FBXO25: variants seen among roughly 807,000 people sequenced by gnomAD.
FBXO25 encodes F-box protein 25.
A neutral mutation model predicts 51.9 loss-of-function variants in FBXO25; 45 were observed. The observed-to-expected ratio is 0.87, with a 90% CI of 0.68 to 1.11. FBXO25 has a LOEUF of 1.11. Among genes scored for constraint, FBXO25 ranks in the 50% most tolerant of loss-of-function variants. FBXO25 has a pLI of 0.00. For missense variants in FBXO25, 507 were observed against 428.5 expected (o/e 1.18, Z -1.62); for synonymous variants, 199 against 151.0 (o/e 1.32, Z -2.33).
intron 5 of FBXO25, among the ~76,000 whole-genome samples, chr8:445,775 G>A (rs140873736): frequency 2.0e-5 from 3 of 152,200 alleles, no homozygotes; most frequent in African/African-American, 7.2e-5. Flanking sequence ...GGAAGCTGAG[G>A]CTAGAGAATC....
At chr8:413,330 G>A in intron 2 of FBXO25, 117 bp downstream of exon 2, 1 of 1,351,376 alleles carries the variant, frequency 7.4e-7, no homozygotes, top group Non-Finnish European at 9.6e-7. Context: ...CCAGAAGGCT[G>A]GTGTGAAGAG....
chr8:449,050 C>G (rs917185912), intron 5 of FBXO25, among the ~76,000 whole-genome samples: 2 of 151,930 alleles, frequency 1.3e-5, no homozygotes, highest in African/African-American at 4.8e-5. Flanking sequence ...CATGTAAACA[C>G]ATAACTTTAT....
intron 7 of FBXO25, among the ~76,000 whole-genome samples, chr8:456,670 T>C (rs1372271464): frequency 2.0e-5 from 3 of 152,086 alleles, no homozygotes; most frequent in African/African-American, 7.2e-5. Flanking sequence ...ATGTCCAGAA[T>C]GTTAGAGCAC....
Position 464,879 on chromosome 8 carries a change from G to T in FBXO25, c.987+1729G>T, listed in dbSNP as rs963845786. Among the ~76,000 whole-genome samples, 8 of 152,310 alleles carry T rather than the reference G, an allele frequency of 5.3e-5. No individual in the cohort carries two copies. In the East Asian group the frequency reaches 1.5e-3, roughly 29 times the overall value. The stretch of plus-strand genomic sequence containing the variant: ...TCCTGAAATTAAAAAGATGCAAGTT[G>T]TGTTATGTGTTTTTGCAGTAGTACA... On this transcript the variant is annotated intron_variant, in intron 9 of 9. Transcript: ENST00000350302.
rs1052142500 is a variant in FBXO25 at position 472,651 on chromosome 8, A to C, written c.*3847A>C. The C allele has an allele frequency of 1.4e-4, 22 of 152,342 alleles. No homozygotes were observed. Among genetic ancestry groups the C allele is most frequent in the African/African-American group, 4.6e-4 (19 of 41,586 alleles). 9.4% of individuals were successfully genotyped at this position (152,342 alleles called of 1,614,324 possible). A position where few individuals can be genotyped will look rare whatever the true frequency, so the allele number is the denominator to read the frequency against. On this transcript the variant is annotated 3_prime_UTR_variant, in exon 10 of 10. Coordinates refer to ENST00000350302, the MANE Select transcript of FBXO25 (RefSeq NM_183420.2). ...TTGTTAATTCTTCTTTAAATGTTTG[A>C]GAGAACTCCATATAAGATTTGAAGT...
chr8:451,821 A>G (rs745875537), intron 7 of FBXO25, among the ~76,000 whole-genome samples: 7 of 152,184 alleles, frequency 4.6e-5, no homozygotes, highest in Non-Finnish European at 8.8e-5. Context: ...CCAAGTTAGT[A>G]ACTTTTTGTC....
chr8:457,952 C>T (rs1374312867), intron 7 of FBXO25, among the ~76,000 whole-genome samples: 1 of 152,244 alleles, frequency 6.6e-6, no homozygotes, highest in Non-Finnish European at 1.5e-5. Flanking sequence ...TGGTGTGGCA[C>T]AGGCCCTGCC....
intron 7 of FBXO25, 118 bp from the exon 8 acceptor site, chr8:458,251 G>C: frequency 8.5e-7 from 1 of 1,176,298 alleles, no homozygotes; most frequent in Non-Finnish European, 1.2e-6. Flanking sequence ...GCATGACATG[G>C]AGAGCTCTTT....
chr8:476,754 T>G lies in FBXO25; in HGVS notation c.*7950T>G, dbSNP rs1466940288. ...CTCTTAGCTATCAACAAACTCTTGG[T>G]TTCATTTATTTTTCTCTATTGCTTT... On this transcript the variant is annotated 3_prime_UTR_variant, in exon 10 of 10. Transcript: ENST00000350302. 1.3e-5 allele frequency: 2 copies of G among 152,250 alleles called. No homozygotes were observed. The highest frequency in any genetic ancestry group is 2.9e-5 in the Non-Finnish European group (2 of 68,014). 9.4% of individuals were successfully genotyped at this position (152,250 alleles called of 1,614,324 possible).
At chr8:441,038 C>T (rs1585054535) in intron 5 of FBXO25, among the ~76,000 whole-genome samples, 1 of 147,966 alleles carries the variant, frequency 6.8e-6, no homozygotes, top group Non-Finnish European at 1.5e-5. Flanking sequence ...AACAGTGCTG[C>T]AATAAACATA....
chr8:469,019 C>T lies in FBXO25; in HGVS notation c.*215C>T. 1 of 540,120 alleles carries T rather than the reference C, an allele frequency of 1.9e-6. No individual in the cohort carries two copies. The highest frequency in any genetic ancestry group is 3.2e-5 in the East Asian group (1 of 31,648). 33.5% of individuals were successfully genotyped at this position (540,120 alleles called of 1,614,324 possible). A position where few individuals can be genotyped will look rare whatever the true frequency, so the allele number is the denominator to read the frequency against. On this transcript the variant is annotated 3_prime_UTR_variant, in exon 10 of 10. Transcript: ENST00000350302. ...GAAATCATTTCTACTTCTTTAAAAA[C>T]TCCTTCTAAGCATATTAAAATGTGA... is the stretch of plus-strand genomic sequence containing the variant.
In FBXO25 at chr8:436,203, T is replaced by G. The variant is rs1798093303; in HGVS notation, c.381+496T>G. Among the ~76,000 whole-genome samples, 4 of 152,306 alleles carry G rather than the reference T, an allele frequency of 2.6e-5. No homozygotes were observed. In the South Asian group the frequency reaches 8.3e-4, roughly 32 times the overall value. On this transcript the variant is annotated intron_variant, in intron 5 of 9. Coordinates refer to ENST00000350302, the MANE Select transcript of FBXO25 (RefSeq NM_183420.2). ...TAATGATACCCTTTTGGAAGAAATT[T>G]TTATCTTGGGCCACACTCAAAAAGA...
rs984968741 is a variant in FBXO25, at chr8:474,886, C to G, written c.*6082C>G. On this transcript the variant is annotated 3_prime_UTR_variant, in exon 10 of 10. Coordinates refer to ENST00000350302, the MANE Select transcript of FBXO25 (RefSeq NM_183420.2). ...CTCTGGTGTCATATCTAAGAAATCA[C>G]TGCCTCACCCTTTTCAGATATATCA... 7 of 455,478 alleles carry G rather than the reference C, an allele frequency of 1.5e-5. No individual in the cohort carries two copies. Among genetic ancestry groups the G allele is most frequent in the African/African-American group, 1.0e-4 (5 of 49,234 alleles). 28.2% of individuals were successfully genotyped at this position (455,478 alleles called of 1,614,324 possible).
intron 2 of FBXO25, among the ~76,000 whole-genome samples, chr8:414,374 A>G (rs1044737619): frequency 3.3e-5 from 5 of 152,200 alleles, no homozygotes; most frequent in African/African-American, 9.7e-5. Flanking sequence ...ATGGTTGACT[A>G]TATCTAGAAA....
chr8:456,665 C>T (rs1470283579), intron 7 of FBXO25, among the ~76,000 whole-genome samples: 1 of 152,134 alleles, frequency 6.6e-6, no homozygotes, highest in Non-Finnish European at 1.5e-5. Context: ...GCTTCATGTC[C>T]AGAATGTTAG....
chr8:468,113 G>C (rs1235994579), intron 9 of FBXO25: 13 of 1,059,024 alleles, frequency 1.2e-5, no homozygotes, highest in Non-Finnish European at 1.4e-5. Context: ...GAGTCTGCCA[G>C]TCTTCATCCA....
intron 9 of FBXO25, among the ~76,000 whole-genome samples, chr8:463,413 C>T (rs1421560101): frequency 1.3e-5 from 2 of 152,000 alleles, no homozygotes; most frequent in Non-Finnish European, 2.9e-5. Flanking sequence ...GGATTGCAGC[C>T]AGTGACCTTT....
intron 3 of FBXO25, among the ~76,000 whole-genome samples, chr8:431,998 C>G (rs914322877): frequency 1.3e-5 from 2 of 152,126 alleles, no homozygotes; most frequent in African/African-American, 4.8e-5. Context: ...CTTATGGATA[C>G]TATGGTTTTT....
Position 426,737 on chromosome 8 carries a change from A to G in FBXO25, c.135-4604A>G, listed in dbSNP as rs1448204787. Among the ~76,000 whole-genome samples the G allele has an allele frequency of 3.3e-3, 493 of 151,540 alleles. 2 individuals carry two copies. The highest frequency in any genetic ancestry group is 0.011 in the African/African-American group (472 of 41,432). On this transcript the variant is annotated intron_variant, in intron 2 of 9. Coordinates refer to ENST00000350302, the MANE Select transcript of FBXO25 (RefSeq NM_183420.2). ...TTTAAGACGGCGTTTCCCTTCTGCC[A>G]GATTGCACTCTGTGCACAGTGCAGT...
Sources: allele counts gnomAD v4.1 joint callset (sites outside exome capture counted in the v4.1 genomes callset), GRCh38; gene constraint gnomAD v4.1.1; transcripts MANE v1.5; gene names NCBI Gene and HGNC (gene_info 2026-07-23, HGNC 2026-07-21).